The following ENOX2 variants were observed in gnomAD, a reference collection of about 807,000 sequenced individuals.
ENOX2 encodes ecto-NOX disulfide-thiol exchanger 2, also known as APK1 antigen.
In ENOX2, 36 loss-of-function variants were observed where a neutral mutation model predicts 45.0. The ratio of observed to expected loss-of-function variants is 0.80; its 90% CI spans 0.61 to 1.06. The LOEUF (loss-of-function observed/expected upper bound fraction) is 1.06. ENOX2 is among the 50% of genes least tolerant of loss of function. The pLI is 0.00. For missense variants in ENOX2, 423 were observed against 462.5 expected, an observed-to-expected ratio of 0.91 and a Z score of 0.78; for synonymous variants, 174 against 152.3, an observed-to-expected ratio of 1.14 and a Z score of -1.05.
At chrX:130,690,721 T>A (rs764361315) in intron 4 of ENOX2, among the ~76,000 whole-genome samples, 8 of 110,131 alleles carry the variant, frequency 7.3e-5, no homozygotes, top group African/African-American at 2.7e-4. Flanking sequence ...CTGGATGAGG[T>A]CAACCTAAAT....
At chrX:130,755,443 G>A (rs923659604) in intron 3 of ENOX2, among the ~76,000 whole-genome samples, 1 of 111,215 alleles carries the variant, frequency 9.0e-6, no homozygotes, top group Admixed American at 9.5e-5. Context: ...AATCAGGAGA[G>A]CTATGTGACT....
At chrX:130,652,547 GC>G (rs1253480022) in intron 10 of ENOX2, among the ~76,000 whole-genome samples, 1 of 111,854 alleles carries the variant, frequency 8.9e-6, no homozygotes, top group Non-Finnish European at 1.9e-5. Flanking sequence ...ATCATATTCC[GC>G]AAATCAGTCC....
chrX:130,632,784 A>T (rs1407127268), intron 12 of ENOX2, among the ~76,000 whole-genome samples: 2 of 112,134 alleles, frequency 1.8e-5, no homozygotes, highest in Non-Finnish European at 3.8e-5. Flanking sequence ...CTGTAGTCAG[A>T]GGGGAACCCT....
At chrX:130,881,169 A>G (rs2078801423) in intron 2 of ENOX2, among the ~76,000 whole-genome samples, 1 of 112,389 alleles carries the variant, frequency 8.9e-6, no homozygotes, top group African/African-American at 3.2e-5. Flanking sequence ...CCACATTTCA[A>G]TGCTCAATAG....
intron 2 of ENOX2, among the ~76,000 whole-genome samples, chrX:130,813,923 T>C (rs2077435136): frequency 1.8e-5 from 2 of 111,646 alleles, no homozygotes; most frequent in Non-Finnish European, 3.8e-5. Context: ...GGAAAGGAGG[T>C]TGAAGCTAGG....
At chrX:130,902,938 C>CTGGGTGGAG (rs760095334) in intron 1 of ENOX2, 111 bp downstream of exon 1, 4 of 109,532 alleles carry the variant, frequency 3.7e-5, no homozygotes, top group Non-Finnish European at 7.6e-5. Context: ...AGAGGTGGAG[C>CTGGGTGGAG]TGGGTGGAGT....
intron 3 of ENOX2, among the ~76,000 whole-genome samples, chrX:130,770,377 G>A (rs1171294393): frequency 8.9e-6 from 1 of 111,874 alleles, no homozygotes. Context: ...GAAAACTCCA[G>A]AAAGTGTGGA....
chrX:130,875,472 G>A (rs1026460106), intron 2 of ENOX2, among the ~76,000 whole-genome samples: 6 of 111,272 alleles, frequency 5.4e-5, no homozygotes, highest in African/African-American at 2.0e-4. Context: ...ATAGACAAAA[G>A]GAATAAAATT....
intron 3 of ENOX2, among the ~76,000 whole-genome samples, chrX:130,755,353 T>C (rs1386055413): frequency 1.8e-5 from 2 of 109,805 alleles, no homozygotes; most frequent in African/African-American, 6.6e-5. Context: ...CAAAAGAAAA[T>C]GTTAGCTGTT....
At chrX:130,667,459 C>G in intron 8 of ENOX2, 71 bp downstream of exon 8, 1 of 991,059 alleles carries the variant, frequency 1.0e-6, no homozygotes. Context: ...GAGGCCTGAG[C>G]TCCCATAGAG....
At chrX:130,839,940 C>T (rs567196652) in intron 2 of ENOX2, among the ~76,000 whole-genome samples, 90 of 111,431 alleles carry the variant, frequency 8.1e-4, no homozygotes, top group South Asian at 1.5e-3. Context: ...GTAAAACTAT[C>T]GGTTTATGAG....
At chrX:130,671,389 G>T (rs952986625) in intron 6 of ENOX2, among the ~76,000 whole-genome samples, 1 of 111,759 alleles carries the variant, frequency 8.9e-6, no homozygotes, top group Non-Finnish European at 1.9e-5. Flanking sequence ...TAATAAGAAA[G>T]TTTCCTAATA....
intron 3 of ENOX2, among the ~76,000 whole-genome samples, chrX:130,762,761 T>A (rs1172638423): frequency 3.6e-5 from 4 of 112,223 alleles, no homozygotes; most frequent in Non-Finnish European, 1.9e-5. Context: ...TTGAGGTTTG[T>A]TTAATGACCC....
intron 4 of ENOX2, among the ~76,000 whole-genome samples, chrX:130,692,024 CT>C (rs1234937182): frequency 1.8e-5 from 2 of 113,377 alleles, no homozygotes; most frequent in African/African-American, 6.4e-5. Context: ...TAAACTCCCC[CT>C]CTTCCTTTTG....
intron 2 of ENOX2, among the ~76,000 whole-genome samples, chrX:130,852,192 A>G (rs991878077): frequency 8.9e-6 from 1 of 112,554 alleles, no homozygotes; most frequent in Non-Finnish European, 1.9e-5. Context: ...GTCTAGTAGC[A>G]TATGAGTTGG....
At chrX:130,823,055 C>T (rs1266244829) in intron 2 of ENOX2, among the ~76,000 whole-genome samples, 3 of 111,824 alleles carry the variant, frequency 2.7e-5, no homozygotes, top group Non-Finnish European at 3.8e-5. Flanking sequence ...GTGACCATGC[C>T]TATCCTTTTA....
chrX:130,652,703 T>C (rs1413739514), intron 10 of ENOX2, among the ~76,000 whole-genome samples: 1 of 112,364 alleles, frequency 8.9e-6, no homozygotes, highest in East Asian at 2.8e-4. Flanking sequence ...GTCATTATGA[T>C]GGGTCCTAAC....
chrX:130,803,814 T>C (rs1419121077), intron 2 of ENOX2, among the ~76,000 whole-genome samples: 13 of 112,485 alleles, frequency 1.2e-4, no homozygotes, highest in Non-Finnish European at 2.3e-4. Context: ...TAGGGACGGA[T>C]AGAAGTTTGC....
chrX:130,715,514 T>TTTA (rs1394464981), intron 3 of ENOX2, among the ~76,000 whole-genome samples: 1 of 111,482 alleles, frequency 9.0e-6, no homozygotes, highest in Non-Finnish European at 1.9e-5. Flanking sequence ...GACAATAGAC[T>TTTA]TTATTATACA....
Sources: allele counts gnomAD v4.1 joint callset (sites outside exome capture counted in the v4.1 genomes callset), GRCh38; gene constraint gnomAD v4.1.1; transcripts MANE v1.5; gene names NCBI Gene and HGNC (gene_info 2026-07-23, HGNC 2026-07-21).